Variants in SSRP1 observed in about 807,000 individuals in gnomAD.
The protein encoded by SSRP1 is structure specific recognition protein 1, also known as FACT complex subunit SSRP1.
Under a neutral mutation model 84.4 loss-of-function variants are expected in SSRP1, and 21 were observed. The ratio of observed to expected loss-of-function variants is 0.25; its 90% confidence interval spans 0.18 to 0.36. The LOEUF (loss-of-function observed/expected upper bound fraction) is 0.36, where lower values mean the gene tolerates loss of function less well. SSRP1 is among the 10% of genes least tolerant of loss of function. The pLI is 1.00. For missense variants in SSRP1, 519 were observed against 900.8 expected (o/e 0.58, Z 5.43); for synonymous variants, 319 against 318.3 (o/e 1.00, Z -0.02).
rs180920074 is a variant in SSRP1 at position 57,333,236 on chromosome 11, C to T, written c.347-87G>A. The T allele has an allele frequency of 4.5e-4, 652 of 1,434,226 alleles. 2 individuals carry two copies. In the African/African-American group the frequency reaches 8.8e-3, roughly 19 times the overall value. The allele number at this position is 1,434,226 out of a possible 1,614,324, so 88.8% of individuals were successfully genotyped here. ...CCCACCAAACTGAGTTCCACAGAGA[C>T]AGGATACTGCGGTTAGTCTGTTTAG... is the stretch of plus-strand genomic sequence containing the variant. On this transcript the variant is annotated intron_variant, in intron 4 of 16. Coordinates refer to ENST00000278412, the MANE Select transcript of SSRP1 (RefSeq NM_003146.3).
In SSRP1 at chr11:57,335,549, G is replaced by C. The variant is rs1183269577; in HGVS notation, c.-120+181C>G. The stretch of plus-strand genomic sequence containing the variant: ...CGCACGCGACCCAATCCAGCTCAGA[G>C]TGCAGGGTTTCCCTCGCACCGCTCC... On this transcript the variant is annotated intron_variant, in intron 1 of 16. Transcript: ENST00000278412. The surrounding 1 kb of genome is among the most constrained non-coding windows in gnomAD (Gnocchi z 4.6). The C allele has an allele frequency of 4.1e-6, 1 of 243,894 alleles. No homozygotes were observed. The highest frequency in any genetic ancestry group is 8.3e-6 in the Non-Finnish European group (1 of 119,764). The allele number at this position is 243,894 out of a possible 1,614,324, so 15.1% of individuals were successfully genotyped here.
intron 2 of SSRP1, 27 bp from the exon 3 acceptor site, chr11:57,334,675 T>C (rs771340449): frequency 5.6e-6 from 9 of 1,612,298 alleles, no homozygotes; most frequent in Non-Finnish European, 7.6e-6. Flanking sequence ...CCCAGATGCA[T>C]GGAGACAGTA....
intron 13 of SSRP1, chr11:57,328,087 A>G: frequency 1.0e-6 from 1 of 965,958 alleles, no homozygotes; most frequent in Admixed American, 2.9e-5. Flanking sequence ...CCCATCTCCT[A>G]ATTCAGACCT....
Position 57,326,155 on chromosome 11 carries a change from G to T in SSRP1, c.*252C>A. On this transcript the variant is annotated 3_prime_UTR_variant, in exon 17 of 17. Coordinates refer to ENST00000278412, the MANE Select transcript of SSRP1 (RefSeq NM_003146.3). ...TACATCCTTAAGGTCGGGAAAGTAA[G>T]ATGAGGATTTGGATCCTGCATTGCC... 1 of 557,962 alleles carries T rather than the reference G, an allele frequency of 1.8e-6. No homozygotes were observed. Among genetic ancestry groups the T allele is most frequent in the Non-Finnish European group, 3.2e-6 (1 of 312,924 alleles). The allele number at this position is 557,962 out of a possible 1,614,324, so 34.6% of individuals were successfully genotyped here.
Position 57,332,063 on chromosome 11 carries a change from G to A in SSRP1, c.1001+89C>T. 1 of 1,592,960 alleles carries A rather than the reference G, an allele frequency of 6.3e-7. No individual in the cohort carries two copies. The highest frequency in any genetic ancestry group is 1.7e-5 in the Admixed American group (1 of 58,842). On this transcript the variant is annotated intron_variant, in intron 8 of 16. Transcript: ENST00000278412. The surrounding 1 kb of genome is among the most constrained non-coding windows in gnomAD (Gnocchi z 5.5). ...AAGGTCCCATCCAGGCCTCTAGGAG[G>A]CCGCATTCCCATCTCAGGAAGGGTT...
At position 57,326,356 on chromosome 11, in the gene SSRP1, G is replaced by A; in HGVS notation, c.*51C>T. 3 of 1,549,840 alleles carry A rather than the reference G, an allele frequency of 1.9e-6. No individual in the cohort carries two copies. The highest frequency in any genetic ancestry group is 2.7e-6 in the Non-Finnish European group (3 of 1,123,440). ...AGAAACTGGTACCAAAATATGGGTGGGGAGTCGGGGGGTGTGAGAAGGCAA... is the reference window on the plus strand; with the variant it reads ...AGAAACTGGTACCAAAATATGGGTGAGGAGTCGGGGGGTGTGAGAAGGCAA... On this transcript the variant is annotated 3_prime_UTR_variant, in exon 17 of 17. Transcript: ENST00000278412.
chr11:57,327,368 TAAAA>T, intron 15 of SSRP1, 54 bp downstream of exon 15: 4 of 1,299,350 alleles, frequency 3.1e-6, no homozygotes, highest in Non-Finnish European at 4.3e-6. Context: ...TTCGGCCTGT[TAAAA>T]AAAAAAAAGT....
In SSRP1 at chr11:57,326,607, C is replaced by T. The variant is rs1855986336; in HGVS notation, c.2058+96G>A. On this transcript the variant is annotated intron_variant, in intron 16 of 16. Coordinates refer to ENST00000278412, the MANE Select transcript of SSRP1 (RefSeq NM_003146.3). ...CCCCTTCAGAACCTCAGAATTCCAC[C>T]ATCCACTCCAACTCATTACTCTTAC... 9.5e-6 allele frequency: 15 copies of T among 1,582,986 alleles called. No homozygotes were observed. The South Asian group carries it at 1.7e-4, about 18-fold the overall frequency.
Position 57,332,046 on chromosome 11 carries a change from A to T in SSRP1, c.1001+106T>A, listed in dbSNP as rs1426659964. ...GGCACCTATTGTGACACAAGGTCCC[A>T]TCCAGGCCTCTAGGAGGCCGCATTC... On this transcript the variant is annotated intron_variant, in intron 8 of 16. Coordinates refer to ENST00000278412, the MANE Select transcript of SSRP1 (RefSeq NM_003146.3). This position sits in a 1 kb window ranked among gnomAD's most constrained non-coding sequence, Gnocchi z 5.5. The T allele has an allele frequency of 1.9e-6, 3 of 1,577,370 alleles. No homozygotes were observed. The East Asian group carries it at 6.7e-5, about 35-fold the overall frequency.
rs758022705 is a variant in SSRP1, at chr11:57,327,537, C to G, written c.1783-23G>C. The G allele has an allele frequency of 6.2e-6, 10 of 1,613,644 alleles. No homozygotes were observed. In the Admixed American group the frequency reaches 6.7e-5, roughly 11 times the overall value. On this transcript the variant is annotated intron_variant, in intron 14 of 16. Transcript: ENST00000278412. ...CTCCTGTCTCACACACAGAAAAAAA[C>G]AGTTAAGAATAAGACCTCTCCCATC...
chr11:57,326,574 A>ACAGCGC (rs1855985125), intron 16 of SSRP1, 96 bp from the exon 17 acceptor site: 4 of 795,978 alleles, frequency 5.0e-6, no homozygotes, highest in Non-Finnish European at 8.0e-6. Context: ...GCCCCCAACT[A>ACAGCGC]CAGCACCCCC....
intron 9 of SSRP1, 96 bp downstream of exon 9, chr11:57,331,572 T>C: frequency 1.1e-6 from 1 of 947,828 alleles, no homozygotes; most frequent in East Asian, 2.4e-5. Flanking sequence ...AAAATTCTGC[T>C]CTAGGGTTGG....
In SSRP1 at chr11:57,328,322, C is replaced by T. The variant is rs769568719; in HGVS notation, c.1586G>A (p.Arg529His). Residue 529 changes from arginine to histidine, a missense_variant, in exon 13 of 17, where the codon CGC (arginine) becomes CAC (histidine). This residue lies in a region of SSRP1 where 197 missense variants were observed against 265.0 expected (regional missense o/e 0.74). Coordinates refer to ENST00000278412, the MANE Select transcript of SSRP1 (RefSeq NM_003146.3). ...CTCCACAGGCTTCTTGCGGCTCTTGCGGTCCTTGGCCATCTTGGCCTTTTT... is the reference window on the plus strand; with the variant it reads ...CTCCACAGGCTTCTTGCGGCTCTTGTGGTCCTTGGCCATCTTGGCCTTTTT... ...QLKKAKMAKDRKSRKKPVEVK... is the reference protein window; with the variant it reads ...QLKKAKMAKDHKSRKKPVEVK... 6.2e-6 allele frequency: 10 copies of T among 1,614,134 alleles called. No homozygotes were observed. The highest frequency in any genetic ancestry group is 1.7e-5 in the Admixed American group (1 of 60,022).
chr11:57,330,964 G>T lies in SSRP1; in HGVS notation c.1224-37C>A. The T allele has an allele frequency of 6.2e-7, 1 of 1,606,526 alleles. No homozygotes were observed. ...CATGCACCATGTTACCAGAGAGGTA[G>T]TGCCAACACAGGGGCACACTAAACA... On this transcript the variant is annotated intron_variant, in intron 9 of 16. Coordinates refer to ENST00000278412, the MANE Select transcript of SSRP1 (RefSeq NM_003146.3). This position sits in a 1 kb window ranked among gnomAD's most constrained non-coding sequence, Gnocchi z 4.0.
intron 9 of SSRP1, 112 bp downstream of exon 9, chr11:57,331,556 A>G (rs1311023831): frequency 1.3e-5 from 10 of 792,926 alleles, no homozygotes; most frequent in African/African-American, 1.7e-5. Context: ...CTGATGTAGC[A>G]AAAGAAAAAT....
chr11:57,329,927 G>T, intron 12 of SSRP1, 166 bp downstream of exon 12: 1 of 824,702 alleles, frequency 1.2e-6, no homozygotes, highest in Non-Finnish European at 2.0e-6. Flanking sequence ...CACTTACAAA[G>T]CCCTTGACAA....
chr11:57,330,496 G>C lies in SSRP1; in HGVS notation c.1297-67C>G. On this transcript the variant is annotated intron_variant, in intron 10 of 16. Transcript: ENST00000278412. This position sits in a 1 kb window ranked among gnomAD's most constrained non-coding sequence, Gnocchi z 4.0. ...AGCCAGAATCCCTGCACACTCAAAA[G>C]CACACCCCCATGCCTGTCAAGTCAG... The C allele has an allele frequency of 1.2e-5, 19 of 1,595,054 alleles. No individual in the cohort carries two copies. Among genetic ancestry groups the C allele is most frequent in the Non-Finnish European group, 1.6e-5 (19 of 1,172,448 alleles).
intron 15 of SSRP1, chr11:57,327,110 C>G (rs1334919507): frequency 3.6e-6 from 3 of 842,890 alleles, no homozygotes; most frequent in Non-Finnish European, 5.3e-6. Context: ...TGTGCAAAAC[C>G]TACTTGATAT....
In SSRP1 at chr11:57,330,578, G is replaced by A. The variant is rs1261867051; in HGVS notation, c.1297-149C>T. On this transcript the variant is annotated intron_variant, in intron 10 of 16. Transcript: ENST00000278412. The surrounding 1 kb of genome is among the most constrained non-coding windows in gnomAD (Gnocchi z 4.0). ...TTGTCCACACACAGCCAACGTGCAG[G>A]GCCTATGCCCAAGTACTTCCTGCCA... 9 of 1,433,018 alleles carry A rather than the reference G, an allele frequency of 6.3e-6. No individual in the cohort carries two copies. The highest frequency in any genetic ancestry group is 4.6e-6 in the Non-Finnish European group (5 of 1,087,794). The allele number at this position is 1,433,018 out of a possible 1,614,324, so 88.8% of individuals were successfully genotyped here.
Sources: gnomAD v4.1 joint callset for allele counts on GRCh38, gnomAD v4.1.1 for gene constraint, gnomAD v4.1.1 regional missense constraint, Gnocchi (gnomAD v3.1) non-coding constraint, MANE v1.5 for transcripts, NCBI Gene and HGNC (gene_info 2026-07-23, HGNC 2026-07-21) for gene names.